Variants in EIF2AK3 observed in about 807,000 individuals in gnomAD.
The protein encoded by EIF2AK3 is eukaryotic translation initiation factor 2-alpha kinase 3.
In EIF2AK3, 50 loss-of-function variants were observed where a neutral mutation model predicts 113.5. That is an observed-to-expected ratio of 0.44 (90% CI 0.35 to 0.56). The LOEUF is 0.56. Ranked by LOEUF, EIF2AK3 falls within the 20% of genes least tolerant of loss-of-function variation. The pLI is 0.00. For synonymous variants in EIF2AK3, 448 were observed against 495.4 expected (o/e 0.90, Z 1.27); for missense variants, 1,185 against 1,378.0 (o/e 0.86, Z 2.22).
rs1674553220 is a variant in EIF2AK3, at chr2:88,579,818, C to G, written c.1764-178G>C. The stretch of plus-strand genomic sequence containing the variant: ...TTTAGTCCTGTTTGTATAAATGAAG[C>G]AAACACATTCTTATGTTTCCTAGAA... On this transcript the variant is annotated intron_variant, in intron 10 of 16. Coordinates refer to ENST00000303236, the MANE Select transcript of EIF2AK3 (RefSeq NM_004836.7). 4.1e-5 allele frequency: 23 copies of G among 561,534 alleles called. No homozygotes were observed. In the South Asian group the frequency reaches 4.5e-4, roughly 11 times the overall value. 34.8% of individuals were successfully genotyped at this position (561,534 alleles called of 1,614,324 possible). A position where few individuals can be genotyped will look rare whatever the true frequency, so the allele number is the denominator to read the frequency against.
intron 10 of EIF2AK3, among the ~76,000 whole-genome samples, chr2:88,581,213 TAAA>T (rs201636966): frequency 3.1e-5 from 4 of 131,126 alleles, no homozygotes; most frequent in Admixed American, 7.8e-5. Flanking sequence ...ACTCCCATAT[TAAA>T]AAAAAAAAAA....
At chr2:88,558,804 C>CTAG in intron 16 of EIF2AK3, 113 bp downstream of exon 16, 3 of 855,380 alleles carry the variant, frequency 3.5e-6, no homozygotes, top group Non-Finnish European at 5.5e-6. Context: ...TCTTTCCTCT[C>CTAG]TAGACCTTTG....
At chr2:88,583,145 C>T (rs1419835215) in intron 10 of EIF2AK3, among the ~76,000 whole-genome samples, 2 of 152,106 alleles carry the variant, frequency 1.3e-5, no homozygotes, top group African/African-American at 4.8e-5. Flanking sequence ...TTATCTGGTA[C>T]TATAAATGCT....
At chr2:88,574,641 A>G in intron 13 of EIF2AK3, 25 bp downstream of exon 13, 1 of 1,613,318 alleles carries the variant, frequency 6.2e-7, no homozygotes, top group South Asian at 1.1e-5. Context: ...TGAAACCCCA[A>G]GGGTGATGCT....
At chr2:88,619,408 C>G (rs1234860108) in intron 1 of EIF2AK3, among the ~76,000 whole-genome samples, 2 of 152,112 alleles carry the variant, frequency 1.3e-5, no homozygotes, top group African/African-American at 4.8e-5. Flanking sequence ...TATGACAGCC[C>G]CCAAACCTGT....
intron 14 of EIF2AK3, among the ~76,000 whole-genome samples, chr2:88,565,124 C>T (rs4972220): frequency 0.28 from 41,473 of 150,648 alleles, 5,916 homozygotes; most frequent in Admixed American, 0.31. Flanking sequence ...GCAACCTCCC[C>T]CTCCTGGGTT....
In EIF2AK3 at chr2:88,590,845, C is replaced by T; in HGVS notation, c.975G>A (p.Lys325=). 1 of 1,614,084 alleles carries T rather than the reference C, an allele frequency of 6.2e-7. No homozygotes were observed. The highest frequency in any genetic ancestry group is 8.5e-7 in the Non-Finnish European group (1 of 1,179,990). ...ADWKVMAFSK[K]GGHLEWEYQF... ...GGTACTCCCATTCCAGATGTCCTCC[C>T]TTCTTACTGAATGCCATAACTTTCC... The change falls in exon 5 of 17, where the codon AAG becomes AAA. Residue 325 remains lysine (K), a synonymous_variant. Coordinates refer to ENST00000303236, the MANE Select transcript of EIF2AK3 (RefSeq NM_004836.7).
chr2:88,560,300 T>C (rs1340810768), intron 15 of EIF2AK3, among the ~76,000 whole-genome samples: 1 of 152,158 alleles, frequency 6.6e-6, no homozygotes. Context: ...TTAAAATGAG[T>C]TGTCTTTTTG....
rs548988589 is a variant in EIF2AK3, at chr2:88,561,461, C to T, written c.3087+828G>A. ...TATTTTTAGCAGAGATGGGGTTTTA[C>T]CGTGTTAGCCAGGATGATCTTGATC... On this transcript the variant is annotated intron_variant, in intron 15 of 16. Transcript: ENST00000303236. Among the ~76,000 whole-genome samples, 12 of 151,912 alleles carry T rather than the reference C, an allele frequency of 7.9e-5. 1 individual carries two copies. The highest frequency in any genetic ancestry group is 2.6e-4 in the Admixed American group (4 of 15,268).
At chr2:88,610,666 T>A (rs1644906121) in intron 2 of EIF2AK3, among the ~76,000 whole-genome samples, 1 of 152,272 alleles carries the variant, frequency 6.6e-6, no homozygotes, top group South Asian at 2.1e-4. Flanking sequence ...CTCATTAAAT[T>A]TTTTGTATTA....
Position 88,574,569 on chromosome 2 carries a change from C to T in EIF2AK3, c.2817+97G>A. 10 of 1,450,952 alleles carry T rather than the reference C, an allele frequency of 6.9e-6. No homozygotes were observed. In the South Asian group the frequency reaches 1.2e-4, roughly 18 times the overall value. The allele number at this position is 1,450,952 out of a possible 1,614,324, so 89.9% of individuals were successfully genotyped here. A position where few individuals can be genotyped will look rare whatever the true frequency, so the allele number is the denominator to read the frequency against. On this transcript the variant is annotated intron_variant, in intron 13 of 16. Coordinates refer to ENST00000303236, the MANE Select transcript of EIF2AK3 (RefSeq NM_004836.7). ...TCTGCTCTCAGATGCTTTTACTCTC[C>T]CCAACTCTTAAGGATCCTTCAGAGT...
At chr2:88,578,238 G>A (rs2104417281) in intron 11 of EIF2AK3, among the ~76,000 whole-genome samples, 1 of 152,240 alleles carries the variant, frequency 6.6e-6, no homozygotes, top group South Asian at 2.1e-4. Flanking sequence ...ACAACAATTA[G>A]TGTGCATTTA....
intron 2 of EIF2AK3, among the ~76,000 whole-genome samples, chr2:88,611,075 T>A (rs1005199978): frequency 6.6e-6 from 1 of 152,068 alleles, no homozygotes; most frequent in South Asian, 2.1e-4. Flanking sequence ...TATAAACAGG[T>A]CCTGACACCA....
At chr2:88,610,393 G>C (rs780960227) in intron 2 of EIF2AK3, among the ~76,000 whole-genome samples, 1 of 152,118 alleles carries the variant, frequency 6.6e-6, no homozygotes, top group Non-Finnish European at 1.5e-5. Flanking sequence ...CATTGATATG[G>C]TTTCTGATTC....
At chr2:88,583,380 T>G in intron 10 of EIF2AK3, 50 bp downstream of exon 10, 1 of 1,424,094 alleles carries the variant, frequency 7.0e-7, no homozygotes, top group Non-Finnish European at 9.9e-7. Context: ...AACAAGATCT[T>G]AGGTCATTTC....
At chr2:88,580,459 G>A (rs1674570758) in intron 10 of EIF2AK3, among the ~76,000 whole-genome samples, 2 of 152,048 alleles carry the variant, frequency 1.3e-5, no homozygotes, top group East Asian at 3.9e-4. Context: ...ATAACACTCT[G>A]CACATAATAC....
intron 2 of EIF2AK3, among the ~76,000 whole-genome samples, chr2:88,606,061 T>C (rs2104458033): frequency 6.6e-6 from 1 of 152,316 alleles, no homozygotes; most frequent in East Asian, 1.9e-4. Flanking sequence ...TCTTAAAAAA[T>C]GTAAATTAGT....
chr2:88,582,157 C>A (rs962112878), intron 10 of EIF2AK3, among the ~76,000 whole-genome samples: 2 of 152,160 alleles, frequency 1.3e-5, no homozygotes, highest in South Asian at 4.1e-4. Flanking sequence ...CCAGGAGATA[C>A]AACAGCAACT....
chr2:88,612,550 T>C (rs1310896727), intron 2 of EIF2AK3, among the ~76,000 whole-genome samples: 1 of 152,236 alleles, frequency 6.6e-6, no homozygotes, highest in African/African-American at 2.4e-5. Context: ...TGAGAAACAG[T>C]AGCCACTTAT....
Sources: allele counts gnomAD v4.1 joint callset (sites outside exome capture counted in the v4.1 genomes callset), GRCh38; gene constraint gnomAD v4.1.1; transcripts MANE v1.5; gene names NCBI Gene and HGNC (gene_info 2026-07-23, HGNC 2026-07-21).